The following LDB2 variants were observed in gnomAD, a reference collection of about 807,000 sequenced individuals.
LDB2 encodes the protein LIM domain binding 2, also known as LIM domain-binding protein 2.
In LDB2, 12 loss-of-function variants were observed where a neutral mutation model predicts 44.3. The ratio of observed to expected loss-of-function variants is 0.27; its 90% confidence interval spans 0.17 to 0.44. The LOEUF is 0.44. LDB2 is among the 20% of genes least tolerant of loss of function. The probability of loss-of-function intolerance (pLI) is 1.00; values close to 1 mark genes in which losing one functional copy is unlikely to be tolerated. For missense variants in LDB2, 344 were observed against 473.5 expected, an observed-to-expected ratio of 0.73 and a Z score of 2.54; for synonymous variants, 164 against 174.8, an observed-to-expected ratio of 0.94 and a Z score of 0.49.
At chr4:16,623,598 AAAAT>A (rs35645848) in intron 2 of LDB2, among the ~76,000 whole-genome samples, 7 of 150,514 alleles carry the variant, frequency 4.7e-5, no homozygotes, top group Non-Finnish European at 1.0e-4. Context: ...CTCTGTCTCA[AAAAT>A]AAATAAATAA....
chr4:16,674,273 C>G (rs1745671703), intron 2 of LDB2: 1 of 1,289,032 alleles, frequency 7.8e-7, no homozygotes, highest in Non-Finnish European at 1.0e-6. Flanking sequence ...GTTCCGAATC[C>G]CCGAGCTGGT....
intron 2 of LDB2, among the ~76,000 whole-genome samples, chr4:16,666,485 T>C (rs1743261385): frequency 6.6e-6 from 1 of 152,236 alleles, no homozygotes; most frequent in African/African-American, 2.4e-5. Flanking sequence ...ACCAGGCTGC[T>C]GCTGCATGTG....
At chr4:16,701,498 C>T (rs1560929022) in intron 2 of LDB2, among the ~76,000 whole-genome samples, 1 of 152,192 alleles carries the variant, frequency 6.6e-6, no homozygotes, top group East Asian at 1.9e-4. Context: ...TTCTACTCTT[C>T]ATTAGGCACA....
chr4:16,862,336 T>C lies in LDB2; in HGVS notation c.132+36018A>G, dbSNP rs573595701. On this transcript the variant is annotated intron_variant, in intron 1 of 7. Coordinates refer to ENST00000304523, the MANE Select transcript of LDB2 (RefSeq NM_001290.5). Reference sequence around the variant, plus strand: ...GGATGGAAGCCGTTCTAATCTTACATGAATCAAAGAGCCCTGGCCGGGCGT... The same window carrying C: ...GGATGGAAGCCGTTCTAATCTTACACGAATCAAAGAGCCCTGGCCGGGCGT... Among the ~76,000 whole-genome samples the C allele has an allele frequency of 2.6e-5, 4 of 151,884 alleles. No homozygotes were observed. The East Asian group carries it at 7.8e-4, about 30-fold the overall frequency.
chr4:16,592,493 T>C (rs1260200454), intron 3 of LDB2, among the ~76,000 whole-genome samples: 2,862 of 102,120 alleles, frequency 0.028, 58 homozygotes, highest in East Asian at 0.052. Context: ...TATATATATA[T>C]ATATATATAT....
chr4:16,845,065 A>T (rs569093774), intron 1 of LDB2, among the ~76,000 whole-genome samples: 1 of 152,192 alleles, frequency 6.6e-6, no homozygotes, highest in African/African-American at 2.4e-5. Flanking sequence ...CATGCAGTGC[A>T]TGTTTCAGCC....
At chr4:16,614,591 A>C (rs796090518) in intron 2 of LDB2, among the ~76,000 whole-genome samples, 2,696 of 151,140 alleles carry the variant, frequency 0.018, 37 homozygotes, top group South Asian at 0.047. Context: ...AAAAAAAAAA[A>C]AAAAAAAAAA....
At chr4:16,745,374 A>G (rs1764194466) in intron 2 of LDB2, among the ~76,000 whole-genome samples, 1 of 152,236 alleles carries the variant, frequency 6.6e-6, no homozygotes, top group Non-Finnish European at 1.5e-5. Context: ...TAGAACAGTG[A>G]AAAGGAAGTC....
chr4:16,651,270 A>G (rs1471564933), intron 2 of LDB2: 1 of 152,234 alleles, frequency 6.6e-6, no homozygotes, highest in Non-Finnish European at 1.5e-5. Flanking sequence ...AGCAGCAGCA[A>G]CAGAGATCAG....
chr4:16,749,988 T>C (rs1430665707), intron 2 of LDB2, among the ~76,000 whole-genome samples: 1 of 152,086 alleles, frequency 6.6e-6, no homozygotes, highest in Non-Finnish European at 1.5e-5. Flanking sequence ...TCGTTGTACT[T>C]TTTATATTTT....
intron 2 of LDB2, among the ~76,000 whole-genome samples, chr4:16,618,842 G>A (rs1331033216): frequency 6.6e-6 from 1 of 152,120 alleles, no homozygotes; most frequent in Non-Finnish European, 1.5e-5. Context: ...TCACAGGGGT[G>A]GATTTCTCCC....
At chr4:16,814,851 C>G (rs1003398175) in intron 1 of LDB2, among the ~76,000 whole-genome samples, 2 of 152,320 alleles carry the variant, frequency 1.3e-5, no homozygotes, top group African/African-American at 4.8e-5. Flanking sequence ...AACAAAACTT[C>G]CTGGGTCCTG....
intron 2 of LDB2, among the ~76,000 whole-genome samples, chr4:16,731,565 G>T (rs1359355836): frequency 1.3e-5 from 2 of 152,158 alleles, no homozygotes; most frequent in Non-Finnish European, 2.9e-5. Context: ...AAGTGAGCAA[G>T]CCAAGATGGA....
chr4:16,740,142 A>G (rs951168648), intron 2 of LDB2, among the ~76,000 whole-genome samples: 57 of 152,268 alleles, frequency 3.7e-4, no homozygotes, highest in Admixed American at 3.5e-3. Flanking sequence ...CAGTCACCAG[A>G]TATTTGACTG....
In LDB2 at chr4:16,758,264, C is replaced by A. The variant is rs1432348228; in HGVS notation, c.235+894G>T. 3.3e-5 allele frequency among the ~76,000 whole-genome samples: 5 copies of A among 152,196 alleles called. No homozygotes were observed. The East Asian group carries it at 9.6e-4, about 29-fold the overall frequency. On this transcript the variant is annotated intron_variant, in intron 2 of 7. Transcript: ENST00000304523. ...AGCTTTCAATCATACATATCAAGAA[C>A]CCTATTACCTATAAATTTTTCAAAT...
At chr4:16,700,057 A>G (rs2152629960) in intron 2 of LDB2, among the ~76,000 whole-genome samples, 1 of 152,278 alleles carries the variant, frequency 6.6e-6, no homozygotes, top group East Asian at 1.9e-4. Flanking sequence ...TGTGTTGTAC[A>G]CTGAACTGTA....
chr4:16,831,476 G>C (rs575579419), intron 1 of LDB2, among the ~76,000 whole-genome samples: 2 of 152,140 alleles, frequency 1.3e-5, no homozygotes, highest in Non-Finnish European at 2.9e-5. Context: ...GAAGCAAAAA[G>C]TCCCTATGGT....
Position 16,751,851 on chromosome 4 carries a change from G to T in LDB2, c.235+7307C>A, listed in dbSNP as rs145274017. 2.0e-3 allele frequency among the ~76,000 whole-genome samples: 309 copies of T among 152,248 alleles called. 3 individuals are homozygous for T. Among genetic ancestry groups the T allele is most frequent in the African/African-American group, 7.1e-3 (295 of 41,540 alleles). On this transcript the variant is annotated intron_variant, in intron 2 of 7. Coordinates refer to ENST00000304523, the MANE Select transcript of LDB2 (RefSeq NM_001290.5). ...ATGACAATCTGCTCTACTTCTAACT[G>T]AATTTGCTACAAATCTCACCAGCCT... is the stretch of plus-strand genomic sequence containing the variant.
At chr4:16,569,856 G>T (rs1254600602) in intron 5 of LDB2, among the ~76,000 whole-genome samples, 1 of 152,146 alleles carries the variant, frequency 6.6e-6, no homozygotes, top group Non-Finnish European at 1.5e-5. Context: ...GATAAGGAAG[G>T]CTTATCAAAT....
Sources: allele counts gnomAD v4.1 joint callset (sites outside exome capture counted in the v4.1 genomes callset), GRCh38; gene constraint gnomAD v4.1.1; transcripts MANE v1.5; gene names NCBI Gene and HGNC (gene_info 2026-07-23, HGNC 2026-07-21).